Variants in DIAPH3 observed in about 807,000 individuals in gnomAD.
The protein encoded by DIAPH3 is diaphanous related formin 3.
DIAPH3 carries 117 observed loss-of-function variants against 144.3 expected under a neutral mutation model. The observed-to-expected ratio is 0.81, with a 90% CI of 0.70 to 0.95. The LOEUF is 0.95. Among genes scored for constraint, DIAPH3 ranks in the 40% least tolerant of loss-of-function variants. The pLI is 0.00. For missense variants in DIAPH3, 1,421 were observed against 1,412.7 expected (o/e 1.01, Z -0.09); for synonymous variants, 519 against 488.9 (o/e 1.06, Z -0.81).
chr13:59,920,071 A>C (rs2047434114), intron 18 of DIAPH3, among the ~76,000 whole-genome samples: 1 of 151,982 alleles, frequency 6.6e-6, no homozygotes, highest in African/African-American at 2.4e-5. Context: ...AAAGCAAAAA[A>C]ATCAAAACAT....
chr13:59,838,510 C>G (rs1416556714), intron 23 of DIAPH3: 1 of 151,732 alleles, frequency 6.6e-6, no homozygotes, highest in Non-Finnish European at 1.5e-5. Context: ...ATTTTATAAC[C>G]ATCTAGTATT....
intron 17 of DIAPH3, among the ~76,000 whole-genome samples, chr13:59,956,532 C>T (rs1188025837): frequency 6.6e-6 from 1 of 152,242 alleles, no homozygotes; most frequent in Non-Finnish European, 1.5e-5. Context: ...ATGGAAATGC[C>T]AGGATGCCCA....
chr13:59,733,104 A>C (rs550090652), intron 27 of DIAPH3, among the ~76,000 whole-genome samples: 1 of 152,162 alleles, frequency 6.6e-6, no homozygotes, highest in Non-Finnish European at 1.5e-5. Flanking sequence ...AGGTTCCTTC[A>C]TTATCTACAT....
At chr13:59,912,366 T>C (rs763009817) in intron 19 of DIAPH3, among the ~76,000 whole-genome samples, 3 of 152,144 alleles carry the variant, frequency 2.0e-5, no homozygotes, top group Non-Finnish European at 2.9e-5. Flanking sequence ...ACTGAAGATA[T>C]CTCTAAAACA....
At chr13:59,873,256 C>G (rs906668815) in intron 21 of DIAPH3, among the ~76,000 whole-genome samples, 1 of 152,022 alleles carries the variant, frequency 6.6e-6, no homozygotes, top group African/African-American at 2.4e-5. Flanking sequence ...ATTTTGCCAA[C>G]CTAATAAAGA....
intron 17 of DIAPH3, among the ~76,000 whole-genome samples, chr13:59,958,175 T>G (rs1359101271): frequency 2.0e-5 from 3 of 152,214 alleles, no homozygotes; most frequent in Admixed American, 2.0e-4. Context: ...TATACTGTAT[T>G]TTTAATTATC....
At chr13:60,135,798 A>T (rs2059257028) in intron 1 of DIAPH3, among the ~76,000 whole-genome samples, 1 of 152,232 alleles carries the variant, frequency 6.6e-6, no homozygotes, top group Admixed American at 6.5e-5. Flanking sequence ...CACTAAAGAT[A>T]GGCTAGCATT....
chr13:60,148,943 A>T (rs771008326), intron 1 of DIAPH3, among the ~76,000 whole-genome samples: 2 of 152,224 alleles, frequency 1.3e-5, no homozygotes, highest in Non-Finnish European at 2.9e-5. Context: ...ACCAAATTGC[A>T]TCTACCCGTG....
At chr13:59,957,961 A>G (rs940211223) in intron 17 of DIAPH3, among the ~76,000 whole-genome samples, 1 of 152,186 alleles carries the variant, frequency 6.6e-6, no homozygotes, top group Admixed American at 6.5e-5. Flanking sequence ...AAAAGAAAAG[A>G]AGATTAAAGG....
chr13:60,156,937 ATATTTTTTTTTT>A lies in DIAPH3; in HGVS notation c.180+6638_180+6649del, dbSNP rs1260278634. On this transcript the variant is annotated intron_variant, in intron 1 of 27. Coordinates refer to ENST00000400324, the MANE Select transcript of DIAPH3 (RefSeq NM_001042517.2). ...ATCCTTCATATATATATATATATATATATTTTTTTTTTTTTTTTTTTTGAGACAGAGGAGTCT... is the reference window on the plus strand; with the variant it reads ...ATCCTTCATATATATATATATATATATTTTTTTTTTGAGACAGAGGAGTCT... Among the ~76,000 whole-genome samples the A allele has an allele frequency of 7.4e-5, 4 of 53,746 alleles. 1 individual carries two copies. Among genetic ancestry groups the A allele is most frequent in the African/African-American group, 3.1e-4 (4 of 12,726 alleles). 35.3% of individuals were successfully genotyped at this position (53,746 alleles called of 152,430 possible).
rs1320728290 is a variant in DIAPH3, at chr13:59,886,608, A to G, written c.2368-7140T>C. ...CCAGTCTATAAGCATAATAAATACC[A>G]TTTCTTTACAACTTCTTTCATTTCT... On this transcript the variant is annotated intron_variant, in intron 20 of 27. Coordinates refer to ENST00000400324, the MANE Select transcript of DIAPH3 (RefSeq NM_001042517.2). Among the ~76,000 whole-genome samples, 3 of 152,152 alleles carry G rather than the reference A, an allele frequency of 2.0e-5. 1 individual carries two copies. The highest frequency in any genetic ancestry group is 2.0e-4 in the Admixed American group (3 of 15,258).
In DIAPH3 at chr13:60,021,534, G is replaced by T. The variant is rs2054021193; in HGVS notation, c.627-5389C>A. 4.6e-5 allele frequency among the ~76,000 whole-genome samples: 7 copies of T among 152,176 alleles called. No individual in the cohort carries two copies. The South Asian group carries it at 1.5e-3, about 32-fold the overall frequency. ...AGCTACTTGGGAGGCTGAGGCAGGA[G>T]AATCCCTTGAACCCAGGAGGCAGAG... On this transcript the variant is annotated intron_variant, in intron 5 of 27. Transcript: ENST00000400324.
At chr13:59,961,441 A>G (rs2049752248) in intron 17 of DIAPH3, among the ~76,000 whole-genome samples, 1 of 152,192 alleles carries the variant, frequency 6.6e-6, no homozygotes, top group Admixed American at 6.5e-5. Context: ...ATTACACAGC[A>G]TGGTGTTAGT....
intron 24 of DIAPH3, among the ~76,000 whole-genome samples, chr13:59,821,843 G>A (rs992872027): frequency 5.9e-5 from 9 of 152,222 alleles, no homozygotes; most frequent in South Asian, 2.1e-4. Context: ...TTCAATATGC[G>A]TTGCTATTAG....
chr13:59,722,830 GT>G (rs1687316218), intron 27 of DIAPH3, among the ~76,000 whole-genome samples: 1 of 152,108 alleles, frequency 6.6e-6, no homozygotes, highest in Non-Finnish European at 1.5e-5. Flanking sequence ...GGTAGCCTGT[GT>G]TAGGGCTTCA....
intron 18 of DIAPH3, among the ~76,000 whole-genome samples, chr13:59,923,176 T>C (rs1185194459): frequency 6.6e-6 from 1 of 152,214 alleles, no homozygotes; most frequent in African/African-American, 2.4e-5. Flanking sequence ...ACATTTAGGC[T>C]AACTTACCAC....
At chr13:60,065,253 T>TAA (rs11344639) in intron 4 of DIAPH3, among the ~76,000 whole-genome samples, 177 of 88,072 alleles carry the variant, frequency 2.0e-3, no homozygotes, top group Non-Finnish European at 2.4e-3. Flanking sequence ...TTTAATTTAT[T>TAA]AAAAAAAAAA....
At chr13:60,033,897 G>A (rs1252867008) in intron 5 of DIAPH3, among the ~76,000 whole-genome samples, 1 of 152,126 alleles carries the variant, frequency 6.6e-6, no homozygotes, top group Non-Finnish European at 1.5e-5. Flanking sequence ...AAAGTTTTCT[G>A]AATGATAAAA....
chr13:60,082,527 T>C (rs1290555912), intron 4 of DIAPH3, among the ~76,000 whole-genome samples: 1 of 148,972 alleles, frequency 6.7e-6, no homozygotes, highest in East Asian at 1.9e-4. Context: ...TTGACAACAA[T>C]GCCATTAAGC....
Sources: allele counts gnomAD v4.1 joint callset (sites outside exome capture counted in the v4.1 genomes callset), GRCh38; gene constraint gnomAD v4.1.1; transcripts MANE v1.5; gene names NCBI Gene and HGNC (gene_info 2026-07-23, HGNC 2026-07-21).